PLSCR2: variants seen among roughly 807,000 people sequenced by gnomAD.
PLSCR2 encodes the protein phospholipid scramblase 2.
Under a neutral mutation model 25.3 loss-of-function variants are expected in PLSCR2, and 18 were observed. That is an observed-to-expected ratio of 0.71 (90% CI 0.49 to 1.06). The LOEUF is 1.06. Ranked by LOEUF, PLSCR2 falls within the 50% of genes least tolerant of loss-of-function variation. The pLI, the probability that PLSCR2 is intolerant of heterozygous loss-of-function variation, is 0.00. For synonymous variants in PLSCR2, 88 were observed against 87.3 expected (o/e 1.01, Z -0.04); for missense variants, 243 against 269.5 (o/e 0.90, Z 0.69).
intron 1 of PLSCR2, among the ~76,000 whole-genome samples, chr3:146,492,112 C>G (rs1468203137): frequency 6.6e-6 from 1 of 152,074 alleles, no homozygotes; most frequent in African/African-American, 2.4e-5. Flanking sequence ...AGGCTCAGAT[C>G]AGCAATTCTC....
At chr3:146,427,931 A>G (rs564774120) in intron 2 of PLSCR2, among the ~76,000 whole-genome samples, 14 of 152,252 alleles carry the variant, frequency 9.2e-5, no homozygotes, top group Non-Finnish European at 1.6e-4. Flanking sequence ...AAATCAATCA[A>G]TTTTATATTT....
chr3:146,457,248 CAG>C (rs1332333982), intron 3 of PLSCR2, among the ~76,000 whole-genome samples: 1 of 152,146 alleles, frequency 6.6e-6, no homozygotes. Flanking sequence ...TTTATTATAA[CAG>C]ATATATTCTA....
chr3:146,442,469 T>C (rs57501572), intron 6 of PLSCR2, among the ~76,000 whole-genome samples: 12,155 of 152,022 alleles, frequency 0.08, 610 homozygotes, highest in African/African-American at 0.13. Flanking sequence ...ATCATAAAAT[T>C]TGTATGGAAT....
At chr3:146,392,517 C>T (rs566800126) in intron 3 of PLSCR2, among the ~76,000 whole-genome samples, 133 of 151,832 alleles carry the variant, frequency 8.8e-4, no homozygotes, top group African/African-American at 3.1e-3. Flanking sequence ...TGTACATTTT[C>T]GTTAAGTATT....
chr3:146,458,581 G>A lies in PLSCR2; in HGVS notation c.58-128C>T, dbSNP rs1374073341. 5.1e-6 allele frequency: 3 copies of A among 589,558 alleles called. No homozygotes were observed. The African/African-American group carries it at 5.8e-5, about 11-fold the overall frequency. The allele number at this position is 589,558 out of a possible 1,614,324, so 36.5% of individuals were successfully genotyped here. A position where few individuals can be genotyped will look rare whatever the true frequency, so the allele number is the denominator to read the frequency against. The stretch of plus-strand genomic sequence containing the variant: ...ATTTATCAATATCAAATTTTAATAA[G>A]TTTGCTACCTTTTATTGTAAAACTA... On this transcript the variant is annotated intron_variant, in intron 2 of 6. Transcript: ENST00000610787.
At chr3:146,425,157 C>T (rs1393510194) in intron 2 of PLSCR2, among the ~76,000 whole-genome samples, 1 of 151,950 alleles carries the variant, frequency 6.6e-6, no homozygotes, top group Non-Finnish European at 1.5e-5. Context: ...ATATGTTGCA[C>T]CAGGAAGCAC....
At chr3:146,490,062 C>T (rs1014263411) in intron 1 of PLSCR2, among the ~76,000 whole-genome samples, 1 of 152,022 alleles carries the variant, frequency 6.6e-6, no homozygotes, top group Non-Finnish European at 1.5e-5. Context: ...TTCATGTAGA[C>T]CATATGTTGA....
chr3:146,445,726 T>C (rs909180546), intron 6 of PLSCR2, among the ~76,000 whole-genome samples: 1 of 152,200 alleles, frequency 6.6e-6, no homozygotes, highest in Non-Finnish European at 1.5e-5. Flanking sequence ...TCCCCTTGAA[T>C]AAACTTTCTA....
At chr3:146,478,818 GA>G (rs1157660566) in intron 1 of PLSCR2, among the ~76,000 whole-genome samples, 5 of 152,112 alleles carry the variant, frequency 3.3e-5, no homozygotes, top group Non-Finnish European at 7.4e-5. Flanking sequence ...TGAAATGAAG[GA>G]AAAAATGTTA....
intron 1 of PLSCR2, among the ~76,000 whole-genome samples, chr3:146,486,166 C>A (rs566334067): frequency 6.6e-6 from 1 of 152,220 alleles, no homozygotes; most frequent in South Asian, 2.1e-4. Flanking sequence ...ACAGCTAAAG[C>A]CGTGTTAAGA....
intron 6 of PLSCR2, among the ~76,000 whole-genome samples, chr3:146,443,324 TA>T (rs1386185066): frequency 6.6e-6 from 1 of 152,014 alleles, no homozygotes; most frequent in Non-Finnish European, 1.5e-5. Flanking sequence ...TATTTTTCAG[TA>T]GCTTGAGTAG....
At chr3:146,453,959 C>T in intron 5 of PLSCR2, 43 bp downstream of exon 5, 1 of 1,479,358 alleles carries the variant, frequency 6.8e-7, no homozygotes. Flanking sequence ...TTATATTCTT[C>T]TATTAAAAAA....
intron 1 of PLSCR2, chr3:146,469,020 C>G (rs570781): frequency 0.53 from 324,871 of 609,142 alleles, 86,779 homozygotes; most frequent in South Asian, 0.67. Context: ...AACCGCGCTA[C>G]ATACCGCCAC....
At chr3:146,418,107 C>G (rs1456177146) in intron 2 of PLSCR2, among the ~76,000 whole-genome samples, 1 of 152,082 alleles carries the variant, frequency 6.6e-6, no homozygotes, top group African/African-American at 2.4e-5. Context: ...TCTAAAGATC[C>G]TTAATGCAAT....
intron 6 of PLSCR2, among the ~76,000 whole-genome samples, chr3:146,442,941 C>T (rs527641876): frequency 6.6e-6 from 1 of 152,036 alleles, no homozygotes; most frequent in African/African-American, 2.4e-5. Flanking sequence ...ACAGCAAAAG[C>T]AAAAAGAGAC....
At chr3:146,447,047 T>C (rs546602487) in intron 6 of PLSCR2, among the ~76,000 whole-genome samples, 3 of 152,300 alleles carry the variant, frequency 2.0e-5, no homozygotes, top group African/African-American at 7.2e-5. Context: ...TTCGGTCAGC[T>C]TGTGGTGAAT....
chr3:146,443,464 G>T (rs1283516950), intron 6 of PLSCR2, among the ~76,000 whole-genome samples: 1 of 151,780 alleles, frequency 6.6e-6, no homozygotes, highest in Non-Finnish European at 1.5e-5. Flanking sequence ...TCAGGTTTTA[G>T]ATTTTTTCAT....
intron 2 of PLSCR2, among the ~76,000 whole-genome samples, chr3:146,397,049 G>T (rs1016179657): frequency 6.6e-6 from 1 of 152,016 alleles, no homozygotes; most frequent in Non-Finnish European, 1.5e-5. Context: ...CTCTACATGC[G>T]TCTTAGTCCC....
chr3:146,449,374 TG>T lies in PLSCR2; in HGVS notation c.484-8del. Reference sequence around the variant, plus strand: ...GTTCATCAAGAGATGTAATCTAAATTGCAAAAAAAAAAAAAACTTAAAAATT... The same window carrying T: ...GTTCATCAAGAGATGTAATCTAAATTCAAAAAAAAAAAAAACTTAAAAATT... On this transcript the variant is annotated splice_polypyrimidine_tract_variant and splice_region_variant and intron_variant, in intron 5 of 6. Coordinates refer to ENST00000610787, the Ensembl canonical transcript of PLSCR2. 1 of 1,494,340 alleles carries T rather than the reference TG, an allele frequency of 6.7e-7. No individual in the cohort carries two copies. The allele number at this position is 1,494,340 out of a possible 1,614,324, so 92.6% of individuals were successfully genotyped here.
Sources: gnomAD v4.1 joint callset for allele counts (sites outside exome capture counted in the v4.1 genomes callset) on GRCh38, gnomAD v4.1.1 for gene constraint, MANE v1.5 for transcripts, NCBI Gene and HGNC (gene_info 2026-07-23, HGNC 2026-07-21) for gene names.